B3GALT1: variants seen among roughly 807,000 people sequenced by gnomAD.
B3GALT1 encodes the protein UDP-Gal:betaGlcNAc beta 1,3-galactosyltransferase, polypeptide 1.
A neutral mutation model predicts 23.2 loss-of-function variants in B3GALT1; 10 were observed. The observed-to-expected ratio is 0.43, with a 90% confidence interval of 0.27 to 0.73. The LOEUF (loss-of-function observed/expected upper bound fraction) is 0.73, where lower values mean the gene tolerates loss of function less well. Ranked by LOEUF, B3GALT1 falls within the 30% of genes least tolerant of loss-of-function variation. B3GALT1 has a pLI of 0.21. For missense variants in B3GALT1, 299 were observed against 405.4 expected, an observed-to-expected ratio of 0.74 and a Z score of 2.25; for synonymous variants, 156 against 141.5, an observed-to-expected ratio of 1.10 and a Z score of -0.73.
intron 4 of B3GALT1, among the ~76,000 whole-genome samples, chr2:167,841,347 C>G (rs1224383353): frequency 6.6e-6 from 1 of 152,090 alleles, no homozygotes; most frequent in African/African-American, 2.4e-5. Flanking sequence ...GGTGGACTTT[C>G]TGGTTCCTCA....
chr2:167,621,269 A>G (rs1685253651), intron 2 of B3GALT1, among the ~76,000 whole-genome samples: 1 of 151,736 alleles, frequency 6.6e-6, no homozygotes, highest in Non-Finnish European at 1.5e-5. Flanking sequence ...ATTTATTTAT[A>G]GAGACAGGGT....
At chr2:167,394,442 A>G (rs1189077015) in intron 1 of B3GALT1, among the ~76,000 whole-genome samples, 2 of 152,146 alleles carry the variant, frequency 1.3e-5, no homozygotes, top group African/African-American at 4.8e-5. Context: ...AAATACAATT[A>G]TCTATTGTAG....
At chr2:167,704,495 C>T (rs1686940301) in intron 3 of B3GALT1, among the ~76,000 whole-genome samples, 2 of 151,536 alleles carry the variant, frequency 1.3e-5, no homozygotes, top group Admixed American at 6.6e-5. Context: ...TCATACCATG[C>T]ACACACACAC....
At chr2:167,410,206 C>G (rs1399510100) in intron 1 of B3GALT1, among the ~76,000 whole-genome samples, 1 of 152,062 alleles carries the variant, frequency 6.6e-6, no homozygotes, top group Non-Finnish European at 1.5e-5. Flanking sequence ...TCTTCTCACT[C>G]ATAAGTGGGA....
At chr2:167,693,736 T>G (rs1686750049) in intron 3 of B3GALT1, among the ~76,000 whole-genome samples, 2 of 152,240 alleles carry the variant, frequency 1.3e-5, no homozygotes, top group South Asian at 2.1e-4. Flanking sequence ...CTATAGATTA[T>G]CCCCTACTTG....
chr2:167,347,761 T>G (rs983310803), intron 1 of B3GALT1, among the ~76,000 whole-genome samples: 2 of 152,156 alleles, frequency 1.3e-5, no homozygotes, highest in African/African-American at 4.8e-5. Context: ...TTGCTTTTCC[T>G]TATGGAAATT....
At chr2:167,370,795 G>A (rs530974252) in intron 1 of B3GALT1, among the ~76,000 whole-genome samples, 53 of 151,952 alleles carry the variant, frequency 3.5e-4, no homozygotes, top group African/African-American at 1.2e-3. Context: ...GCATGGTGGC[G>A]GGTGCCTGTA....
At chr2:167,352,399 T>A (rs1697326582) in intron 1 of B3GALT1, among the ~76,000 whole-genome samples, 1 of 151,448 alleles carries the variant, frequency 6.6e-6, no homozygotes, top group African/African-American at 2.4e-5. Context: ...TGTGTAAGTA[T>A]ATTGGGAGCA....
At chr2:167,570,284 T>A (rs890663725) in intron 2 of B3GALT1, among the ~76,000 whole-genome samples, 4 of 151,890 alleles carry the variant, frequency 2.6e-5, no homozygotes, top group African/African-American at 4.8e-5. Context: ...AGTGAACTCA[T>A]CGGGGCCTGG....
chr2:167,439,115 G>A (rs1484278779), intron 1 of B3GALT1, among the ~76,000 whole-genome samples: 1 of 152,120 alleles, frequency 6.6e-6, no homozygotes, highest in African/African-American at 2.4e-5. Context: ...TCAAATGTTT[G>A]TTTGTTATTC....
intron 3 of B3GALT1, among the ~76,000 whole-genome samples, chr2:167,765,954 A>C (rs2105303286): frequency 6.6e-6 from 1 of 152,312 alleles, no homozygotes; most frequent in African/African-American, 2.4e-5. Flanking sequence ...AGATGAACAA[A>C]CCTTTGTGAC....
intron 1 of B3GALT1, among the ~76,000 whole-genome samples, chr2:167,463,277 C>A (rs894600178): frequency 6.6e-6 from 1 of 151,996 alleles, no homozygotes; most frequent in Non-Finnish European, 1.5e-5. Flanking sequence ...TAATGCCTAG[C>A]AGTATCAGGA....
intron 2 of B3GALT1, among the ~76,000 whole-genome samples, chr2:167,571,807 A>T (rs1000095971): frequency 1.3e-5 from 2 of 151,888 alleles, no homozygotes; most frequent in African/African-American, 4.8e-5. Context: ...AAAACATGCA[A>T]CTCCAGAGAG....
At chr2:167,734,804 TTCA>T (rs1244264836) in intron 3 of B3GALT1, among the ~76,000 whole-genome samples, 5 of 152,276 alleles carry the variant, frequency 3.3e-5, no homozygotes, top group South Asian at 2.1e-4. Context: ...TTGACTTCTG[TTCA>T]TCATATTTTC....
intron 2 of B3GALT1, among the ~76,000 whole-genome samples, chr2:167,518,682 A>C (rs1247448355): frequency 6.6e-6 from 1 of 152,220 alleles, no homozygotes; most frequent in Non-Finnish European, 1.5e-5. Flanking sequence ...CGGGATGTGC[A>C]GTCAATGAAT....
intron 1 of B3GALT1, among the ~76,000 whole-genome samples, chr2:167,383,868 G>A (rs1008581241): frequency 3.9e-5 from 6 of 152,056 alleles, no homozygotes; most frequent in Admixed American, 1.3e-4. Flanking sequence ...AGCTTCTTCC[G>A]CATTTCAAGT....
At chr2:167,803,631 A>G (rs1230212184) in intron 3 of B3GALT1, among the ~76,000 whole-genome samples, 1 of 152,132 alleles carries the variant, frequency 6.6e-6, no homozygotes, top group Non-Finnish European at 1.5e-5. Flanking sequence ...TGTATGTAGC[A>G]GCTCACCCAT....
intron 2 of B3GALT1, among the ~76,000 whole-genome samples, chr2:167,526,054 A>G (rs988426633): frequency 2.6e-5 from 4 of 152,086 alleles, no homozygotes; most frequent in African/African-American, 9.7e-5. Flanking sequence ...CCTGCAATCA[A>G]CCATTTCTCC....
intron 2 of B3GALT1, among the ~76,000 whole-genome samples, chr2:167,514,972 T>G (rs776977579): frequency 2.0e-5 from 3 of 152,136 alleles, no homozygotes; most frequent in Non-Finnish European, 4.4e-5. Flanking sequence ...ATGATCATTA[T>G]CTTATTATCA....
Sources: gnomAD v4.1 joint callset for allele counts (sites outside exome capture counted in the v4.1 genomes callset) on GRCh38, gnomAD v4.1.1 for gene constraint, MANE v1.5 for transcripts, NCBI Gene and HGNC (gene_info 2026-07-23, HGNC 2026-07-21) for gene names.